The following DCBLD2 variants were observed in gnomAD, a reference collection of about 807,000 sequenced individuals.
DCBLD2 encodes the protein discoidin, CUB and LCCL domain containing 2, also known as discoidin, CUB and LCCL domain-containing protein 2.
In DCBLD2, 54 loss-of-function variants were observed where a neutral mutation model predicts 86.8. That is an observed-to-expected ratio of 0.62 (90% CI 0.50 to 0.78). The LOEUF is 0.78. Among genes scored for constraint, DCBLD2 ranks in the 30% least tolerant of loss-of-function variants. The pLI is 0.00. For synonymous variants in DCBLD2, 354 were observed against 341.3 expected (o/e 1.04, Z -0.41); for missense variants, 908 against 954.2 (o/e 0.95, Z 0.64).
intron 2 of DCBLD2, among the ~76,000 whole-genome samples, chr3:98,866,073 T>C (rs551861543): frequency 2.0e-5 from 3 of 152,194 alleles, no homozygotes; most frequent in Admixed American, 2.0e-4. Context: ...TATTCCATGG[T>C]GTATATGTGC....
chr3:98,883,377 G>A (rs1279431936), intron 1 of DCBLD2, among the ~76,000 whole-genome samples: 4 of 151,786 alleles, frequency 2.6e-5, no homozygotes, highest in East Asian at 1.9e-4. Flanking sequence ...AGTTCCTCCC[G>A]CACACCTTAT....
Position 98,797,762 on chromosome 3 carries a change from T to C in DCBLD2, c.*1610A>G, listed in dbSNP as rs562459402. The C allele has an allele frequency of 1.8e-4, 28 of 152,298 alleles. No individual in the cohort carries two copies. The highest frequency in any genetic ancestry group is 6.7e-4 in the African/African-American group (28 of 41,560). 9.4% of individuals were successfully genotyped at this position (152,298 alleles called of 1,614,324 possible). A position where few individuals can be genotyped will look rare whatever the true frequency, so the allele number is the denominator to read the frequency against. On this transcript the variant is annotated 3_prime_UTR_variant, in exon 16 of 16. Coordinates refer to ENST00000326840, the MANE Select transcript of DCBLD2 (RefSeq NM_080927.4). ...CGATGTTTTAGAATACTGATATAAT[T>C]CATGGAAACAAGAAAACAAATACTG...
Position 98,820,273 on chromosome 3 carries a change from T to G in DCBLD2, c.846A>C (p.Thr282=). ...NVTSVVGHLS[T]SLFTFKTSGC... is the part of the protein sequence containing the mutation. ...CACTTGTCTTAAATGTAAAAAGACT[T>G]GTAGATAAGTGTCCCCTGAAAGAGA... Residue 282 remains threonine (T), a synonymous_variant, in exon 7 of 16, where the codon ACA becomes ACC. Transcript: ENST00000326840. 6.8e-7 allele frequency: 1 copy of G among 1,470,492 alleles called. No homozygotes were observed. The highest frequency in any genetic ancestry group is 9.0e-7 in the Non-Finnish European group (1 of 1,111,004). 91.1% of individuals were successfully genotyped at this position (1,470,492 alleles called of 1,614,324 possible).
At chr3:98,805,538 C>T (rs1464272052) in intron 13 of DCBLD2, among the ~76,000 whole-genome samples, 2 of 152,136 alleles carry the variant, frequency 1.3e-5, no homozygotes, top group Non-Finnish European at 2.9e-5. Flanking sequence ...TTAGAATGAG[C>T]TCTGGATTCA....
chr3:98,881,524 CA>C lies in DCBLD2; in HGVS notation c.433+15del, dbSNP rs762035920. 47 of 1,600,038 alleles carry C rather than the reference CA, an allele frequency of 2.9e-5. No individual in the cohort carries two copies. The highest frequency in any genetic ancestry group is 1.6e-4 in the East Asian group (7 of 44,812). ...AATGATGTATTTACATGTACATTTA[CA>C]AAAAAAAGTCCTACCTATTTCAGTT... On this transcript the variant is annotated intron_variant, in intron 2 of 15. Coordinates refer to ENST00000326840, the MANE Select transcript of DCBLD2 (RefSeq NM_080927.4).
intron 1 of DCBLD2, among the ~76,000 whole-genome samples, chr3:98,889,168 A>T (rs1943612900): frequency 6.6e-6 from 1 of 152,022 alleles, no homozygotes; most frequent in Non-Finnish European, 1.5e-5. Context: ...ACCCTAGATC[A>T]TTAAATAATT....
rs202051574 is a variant in DCBLD2 at position 98,881,569 on chromosome 3, T to C, written c.404A>G (p.Asn135Ser). 5.0e-6 allele frequency: 8 copies of C among 1,613,928 alleles called. No individual in the cohort carries two copies. Among genetic ancestry groups the C allele is most frequent in the African/African-American group, 1.3e-5 (1 of 75,050 alleles). ...TTCAGTTCTGCTGACTCCAATTCCA[T>C]TATAAATTCTCAAGTAATTAAAGTG... Reference protein sequence around the residue: ...SCHFNYLRIYNGIGVSRTEIG... With the variant: ...SCHFNYLRIYSGIGVSRTEIG... The change falls in exon 2 of 16, where the codon AAT becomes AGT. Residue 135 changes from asparagine (N) to serine (S), a missense_variant. Physicochemically the swap from Asn to Ser is conservative, Grantham distance 46 (BLOSUM62 1). Transcript: ENST00000326840.
intron 2 of DCBLD2, among the ~76,000 whole-genome samples, chr3:98,875,650 A>G (rs141915417): frequency 1.8e-4 from 28 of 152,320 alleles, no homozygotes; most frequent in African/African-American, 6.0e-4. Flanking sequence ...GCATTAACAC[A>G]TACCGTAAAG....
At chr3:98,804,750 C>T (rs1460544443) in intron 13 of DCBLD2, among the ~76,000 whole-genome samples, 1 of 152,246 alleles carries the variant, frequency 6.6e-6, no homozygotes, top group Admixed American at 6.5e-5. Context: ...TGTGTCTTTG[C>T]TCTCATTGGT....
intron 3 of DCBLD2, among the ~76,000 whole-genome samples, chr3:98,841,214 G>C (rs141248268): frequency 4.5e-4 from 69 of 152,276 alleles, no homozygotes; most frequent in African/African-American, 1.5e-3. Context: ...AGAAAGAGCA[G>C]GAGAGAATAC....
At position 98,801,800 on chromosome 3, in the gene DCBLD2, G is replaced by A. The variant is rs1019279146; in HGVS notation, c.1671-151C>T. 7 of 543,036 alleles carry A rather than the reference G, an allele frequency of 1.3e-5. No individual in the cohort carries two copies. The African/African-American group carries it at 1.3e-4, about 10-fold the overall frequency. The allele number at this position is 543,036 out of a possible 1,614,324, so 33.6% of individuals were successfully genotyped here. A position where few individuals can be genotyped will look rare whatever the true frequency, so the allele number is the denominator to read the frequency against. The stretch of plus-strand genomic sequence containing the variant: ...AATTCCCACCTATGAGTGAGAACAT[G>A]CGGTGTTTGGTTTTTTGTCCTTGGG... On this transcript the variant is annotated intron_variant, in intron 13 of 15. Transcript: ENST00000326840.
chr3:98,799,335 G>C lies in DCBLD2; in HGVS notation c.*37C>G. ...AATAATTAAAAAAAAAAGGCCATGT[G>C]CTTTAAAACGATGCTTTGTAAAAAG... On this transcript the variant is annotated 3_prime_UTR_variant, in exon 16 of 16. Transcript: ENST00000326840. The C allele has an allele frequency of 6.5e-7, 1 of 1,540,282 alleles. No individual in the cohort carries two copies. The highest frequency in any genetic ancestry group is 8.8e-7 in the Non-Finnish European group (1 of 1,142,686).
chr3:98,825,766 G>A (rs1406999145), intron 3 of DCBLD2, among the ~76,000 whole-genome samples: 1 of 148,596 alleles, frequency 6.7e-6, no homozygotes, highest in Non-Finnish European at 1.5e-5. Context: ...ATATTTCTTG[G>A]TTATTATATA....
intron 3 of DCBLD2, among the ~76,000 whole-genome samples, chr3:98,845,324 G>A (rs1942701713): frequency 1.3e-5 from 2 of 152,178 alleles, no homozygotes; most frequent in South Asian, 4.2e-4. Context: ...CATTACTGTA[G>A]CTCAGAGCTT....
In DCBLD2 at chr3:98,799,749, C is replaced by T; in HGVS notation, c.1951G>A (p.Asp651Asn). Residue 651 changes from aspartate (D) to asparagine (N), a missense_variant, in exon 16 of 16, where the codon GAC (aspartate) becomes AAC (asparagine). Asp to Asn is a conservative substitution (Grantham distance 23). This residue lies in a region of DCBLD2 where 606 missense variants were observed against 678.5 expected (regional missense o/e 0.89). Coordinates refer to ENST00000326840, the MANE Select transcript of DCBLD2 (RefSeq NM_080927.4). ...CCTGGTGAGTTGTAAGGATCTAGGT[C>T]TGCATAGCCTGCTTCTTTTCCTTCT... ...PEEGKEAGYA[D>N]LDPYNSPGQE... The T allele has an allele frequency of 6.2e-7, 1 of 1,613,944 alleles. No individual in the cohort carries two copies. Among genetic ancestry groups the T allele is most frequent in the Non-Finnish European group, 8.5e-7 (1 of 1,179,874 alleles).
intron 9 of DCBLD2, chr3:98,814,865 G>T (rs1941994446): frequency 6.6e-6 from 1 of 152,198 alleles, no homozygotes; most frequent in Non-Finnish European, 1.5e-5. Flanking sequence ...TGAGAAACTG[G>T]ATAACAGGCT....
intron 1 of DCBLD2, among the ~76,000 whole-genome samples, chr3:98,890,018 G>C (rs1943631165): frequency 6.6e-6 from 1 of 151,764 alleles, no homozygotes; most frequent in African/African-American, 2.4e-5. Context: ...GATTTCTTTA[G>C]TTGCCTATAC....
rs531246822 is a variant in DCBLD2 at position 98,852,221 on chromosome 3, G to T, written c.434-2623C>A. 2.0e-5 allele frequency among the ~76,000 whole-genome samples: 3 copies of T among 150,716 alleles called. No homozygotes were observed. The South Asian group carries it at 6.3e-4, about 32-fold the overall frequency. On this transcript the variant is annotated intron_variant, in intron 2 of 15. Transcript: ENST00000326840. Reference sequence around the variant, plus strand: ...TTACTTGTAAAATTTCCTCTAGTATGTGATCTTTTAATGCTTCTAGGATAT... The same window carrying T: ...TTACTTGTAAAATTTCCTCTAGTATTTGATCTTTTAATGCTTCTAGGATAT...
chr3:98,848,045 G>A (rs111394044), intron 3 of DCBLD2, among the ~76,000 whole-genome samples: 9 of 152,042 alleles, frequency 5.9e-5, no homozygotes, highest in African/African-American at 2.2e-4. Flanking sequence ...TGCGTCATGG[G>A]GGCTTGTTTT....
Sources: allele counts gnomAD v4.1 joint callset (sites outside exome capture counted in the v4.1 genomes callset), GRCh38; gene constraint gnomAD v4.1.1; regional missense constraint gnomAD v4.1.1; transcripts MANE v1.5; gene names NCBI Gene and HGNC (gene_info 2026-07-23, HGNC 2026-07-21).